Variants in SLC2A9 observed in about 807,000 individuals in gnomAD.
SLC2A9 encodes the protein solute carrier family 2, facilitated glucose transporter member 9.
In SLC2A9, 39 loss-of-function variants were observed where a neutral mutation model predicts 50.6. That is an observed-to-expected ratio of 0.77 (90% confidence interval 0.60 to 1.01). SLC2A9 has a LOEUF of 1.01. Among genes scored for constraint, SLC2A9 ranks in the 50% least tolerant of loss-of-function variants. The pLI is 0.00. For synonymous variants in SLC2A9, 324 were observed against 276.9 expected, an observed-to-expected ratio of 1.17 and a Z score of -1.69; for missense variants, 686 against 677.6, an observed-to-expected ratio of 1.01 and a Z score of -0.14.
At chr4:9,934,102 T>C (rs1746639945) in intron 6 of SLC2A9, among the ~76,000 whole-genome samples, 1 of 152,184 alleles carries the variant, frequency 6.6e-6, no homozygotes, top group African/African-American at 2.4e-5. Context: ...TCACAGGTTC[T>C]GGGAAGAAGG....
intron 10 of SLC2A9, among the ~76,000 whole-genome samples, chr4:9,852,910 G>A (rs943875096): frequency 3.2e-4 from 48 of 152,156 alleles, no homozygotes; most frequent in African/African-American, 1.1e-3. Flanking sequence ...AGGCACAGAG[G>A]CCAGGTGTGG....
intron 3 of SLC2A9, chr4:9,782,027 G>A (rs751086015): frequency 1.2e-5 from 17 of 1,457,548 alleles, no homozygotes; most frequent in Non-Finnish European, 1.4e-5. Context: ...AGTCCAGCCC[G>A]AAATGCTGCC....
intron 5 of SLC2A9, among the ~76,000 whole-genome samples, chr4:9,979,488 GGCAGCGCCCCT>G (rs1755346617): frequency 6.6e-6 from 1 of 152,062 alleles, no homozygotes; most frequent in Non-Finnish European, 1.5e-5. Context: ...TGAGTGGGAA[GGCAGCGCCCCT>G]GCATCCCTGG....
chr4:9,799,278 C>T (rs1721000278), intron 3 of SLC2A9: 1 of 140,804 alleles, frequency 7.1e-6, no homozygotes, highest in Non-Finnish European at 1.6e-5. Flanking sequence ...AATTTATAAA[C>T]AACAGACATT....
intron 7 of SLC2A9, among the ~76,000 whole-genome samples, chr4:9,908,894 AT>A (rs1339341339): frequency 3.3e-5 from 5 of 152,026 alleles, no homozygotes; most frequent in African/African-American, 9.7e-5. Context: ...GTCTGCTTCC[AT>A]TTTTGTTTGT....
chr4:9,799,692 A>ACCCG (rs59100769), intron 3 of SLC2A9, among the ~76,000 whole-genome samples: 1 of 69,864 alleles, frequency 1.4e-5, no homozygotes, highest in African/African-American at 5.7e-5. Flanking sequence ...TTCCAATTGT[A>ACCCG]CCCCCCCCCC....
intron 1 of SLC2A9, chr4:10,035,011 A>G (rs1359857887): frequency 6.6e-6 from 1 of 152,228 alleles, no homozygotes; most frequent in East Asian, 1.9e-4. Context: ...GTCCACCATC[A>G]GTCTCAGCAA....
intron 10 of SLC2A9, among the ~76,000 whole-genome samples, chr4:9,885,231 T>C (rs1735970237): frequency 6.6e-6 from 1 of 152,156 alleles, no homozygotes; most frequent in South Asian, 2.1e-4. Flanking sequence ...TTTATCTTCC[T>C]CCTGCCTACC....
At chr4:9,785,599 G>T (rs1025525099) in intron 3 of SLC2A9, among the ~76,000 whole-genome samples, 3 of 152,206 alleles carry the variant, frequency 2.0e-5, no homozygotes, top group African/African-American at 7.2e-5. Flanking sequence ...CAGTTTAAAT[G>T]AGTTCTGTGT....
chr4:9,970,432 T>C (rs997951287), intron 5 of SLC2A9, among the ~76,000 whole-genome samples: 31 of 151,960 alleles, frequency 2.0e-4, no homozygotes, highest in Admixed American at 9.2e-4. Context: ...GGGGGTACTG[T>C]AGTCACAAGT....
intron 6 of SLC2A9, among the ~76,000 whole-genome samples, chr4:9,934,735 C>T (rs1746748560): frequency 6.6e-6 from 1 of 152,190 alleles, no homozygotes; most frequent in South Asian, 2.1e-4. Context: ...TGGCGGTTTG[C>T]TGTACCTATC....
rs141443035 is a variant in SLC2A9, at chr4:9,833,830, C to G, written c.1419+1051G>C. On this transcript the variant is annotated intron_variant, in intron 11 of 11. Coordinates refer to ENST00000264784, the MANE Select transcript of SLC2A9 (RefSeq NM_020041.3). ...GGTGATGTATATGACGGATTCTCAC[C>G]TCCTCCAGGTGGTACCACCCAGCAC... Among the ~76,000 whole-genome samples, 372 of 152,286 alleles carry G rather than the reference C, an allele frequency of 2.4e-3. 4 individuals carry two copies. The highest frequency in any genetic ancestry group is 8.7e-3 in the African/African-American group (360 of 41,572).
intron 10 of SLC2A9, among the ~76,000 whole-genome samples, chr4:9,864,913 C>T (rs185447022): frequency 3.3e-5 from 5 of 152,340 alleles, no homozygotes; most frequent in East Asian, 3.9e-4. Flanking sequence ...GGGCATGGTG[C>T]CTTGGCCAGG....
At chr4:9,866,874 A>T (rs1293842697) in intron 10 of SLC2A9, among the ~76,000 whole-genome samples, 1 of 152,208 alleles carries the variant, frequency 6.6e-6, no homozygotes, top group Admixed American at 6.5e-5. Context: ...GGAGAATTCC[A>T]ACCATGGTGG....
intron 10 of SLC2A9, chr4:9,879,504 AC>A: frequency 1.0e-6 from 1 of 985,286 alleles, no homozygotes; most frequent in Non-Finnish European, 1.2e-6. Flanking sequence ...GGCAGAGACG[AC>A]CACATAGGTT....
intron 7 of SLC2A9, among the ~76,000 whole-genome samples, chr4:9,919,703 G>T (rs1284290680): frequency 6.6e-6 from 1 of 152,160 alleles, no homozygotes; most frequent in African/African-American, 2.4e-5. Flanking sequence ...CTGCCAAGTG[G>T]TTGGCCAGCC....
chr4:10,024,496 C>G (rs1015636788), upstream of SLC2A9, among the ~76,000 whole-genome samples: 71 of 152,192 alleles, frequency 4.7e-4, no homozygotes, highest in African/African-American at 1.4e-3. Flanking sequence ...GAGAAGGCAG[C>G]CACTTCTGCC....
At chr4:9,782,838 A>G in intron 3 of SLC2A9, 3 of 1,613,006 alleles carry the variant, frequency 1.9e-6, no homozygotes, top group East Asian at 2.2e-5. Flanking sequence ...GAGCACGCGC[A>G]GAGCTGCCGG....
intron 8 of SLC2A9, among the ~76,000 whole-genome samples, chr4:9,891,581 G>T (rs917248037): frequency 7.2e-5 from 11 of 152,314 alleles, no homozygotes; most frequent in African/African-American, 2.6e-4. Context: ...CTCGGATTAT[G>T]TGAGGTATCC....
Sources: allele counts gnomAD v4.1 joint callset (sites outside exome capture counted in the v4.1 genomes callset), GRCh38; gene constraint gnomAD v4.1.1; transcripts MANE v1.5; gene names NCBI Gene and HGNC (gene_info 2026-07-23, HGNC 2026-07-21).